Variants in SULF2 observed in about 807,000 individuals in gnomAD.
SULF2 encodes sulfatase 2.
In SULF2, 52 loss-of-function variants were observed where a neutral mutation model predicts 107.7. The observed-to-expected ratio is 0.48, with a 90% CI of 0.39 to 0.61. The LOEUF (loss-of-function observed/expected upper bound fraction) is 0.61. Among genes scored for constraint, SULF2 ranks in the 20% least tolerant of loss-of-function variants. The pLI, the probability that SULF2 is intolerant of heterozygous loss-of-function variation, is 0.00. For synonymous variants in SULF2, 460 were observed against 464.3 expected (o/e 0.99, Z 0.12); for missense variants, 993 against 1,177.3 (o/e 0.84, Z 2.29).
At chr20:47,778,254 C>T (rs377299334) in intron 1 of SULF2, among the ~76,000 whole-genome samples, 6 of 152,384 alleles carry the variant, frequency 3.9e-5, no homozygotes, top group East Asian at 3.9e-4. Context: ...CCTAACACAT[C>T]TGGCTTCCAC....
intron 14 of SULF2, 100 bp from the exon 15 acceptor site, chr20:47,664,289 G>T: frequency 3.3e-6 from 4 of 1,194,712 alleles, no homozygotes; most frequent in South Asian, 1.3e-5. Flanking sequence ...TGTTGCTGCT[G>T]CCCCACCCCT....
In SULF2 at chr20:47,657,985, A is replaced by G. The variant is rs545525986; in HGVS notation, c.*377T>C. The G allele has an allele frequency of 7.8e-5, 21 of 268,858 alleles. No individual in the cohort carries two copies. The highest frequency in any genetic ancestry group is 6.4e-4 in the South Asian group (11 of 17,102). The allele number at this position is 268,858 out of a possible 1,614,324, so 16.7% of individuals were successfully genotyped here. A position where few individuals can be genotyped will look rare whatever the true frequency, so the allele number is the denominator to read the frequency against. On this transcript the variant is annotated 3_prime_UTR_variant, in exon 21 of 21. Coordinates refer to ENST00000688720, the MANE Select transcript of SULF2 (RefSeq NM_001387048.1). ...TTTAGAACAGGACTGCTTTTCCCCT[A>G]TGATTTAAAAATTCCAATGACTTTC...
At chr20:47,710,177 C>T (rs2088880874) in intron 3 of SULF2, among the ~76,000 whole-genome samples, 1 of 152,188 alleles carries the variant, frequency 6.6e-6, no homozygotes, top group Non-Finnish European at 1.5e-5. Flanking sequence ...GCCAGAATTA[C>T]AGGCGTGAGC....
At chr20:47,667,577 C>A (rs1039278497) in intron 11 of SULF2, among the ~76,000 whole-genome samples, 7 of 152,110 alleles carry the variant, frequency 4.6e-5, no homozygotes, top group African/African-American at 1.7e-4. Flanking sequence ...CGGGGATGGG[C>A]GGCCCCTTTG....
At chr20:47,712,726 T>C (rs1409356990) in intron 3 of SULF2, among the ~76,000 whole-genome samples, 2 of 152,162 alleles carry the variant, frequency 1.3e-5, no homozygotes, top group Non-Finnish European at 2.9e-5. Flanking sequence ...AGGTGGCAAC[T>C]GCATGTCTTA....
intron 2 of SULF2, among the ~76,000 whole-genome samples, chr20:47,744,934 G>A (rs1040686635): frequency 6.6e-6 from 1 of 151,900 alleles, no homozygotes; most frequent in Non-Finnish European, 1.5e-5. Context: ...AAATGAATAT[G>A]TGTGTGTGTG....
intron 10 of SULF2, 198 bp from the exon 11 acceptor site, chr20:47,672,591 C>T (rs1032670821): frequency 1.0e-6 from 1 of 979,792 alleles, no homozygotes; most frequent in Non-Finnish European, 1.2e-6. Context: ...ACCATCATCC[C>T]CCAGCGAGAT....
chr20:47,680,722 G>A lies in SULF2; in HGVS notation c.1065-1918C>T, dbSNP rs1270142312. ...TACAACTGAATCCAGAGGCGAGGGA[G>A]CTGGGAAGACTGCTGAGCGACGGGC... On this transcript the variant is annotated intron_variant, in intron 7 of 20. Transcript: ENST00000688720. The surrounding 1 kb of genome is among the most constrained non-coding windows in gnomAD (Gnocchi z 4.2). 2.0e-5 allele frequency among the ~76,000 whole-genome samples: 3 copies of A among 152,242 alleles called. No individual in the cohort carries two copies. Among genetic ancestry groups the A allele is most frequent in the Admixed American group, 1.3e-4 (2 of 15,284 alleles).
At chr20:47,702,078 G>A (rs1044794772) in intron 4 of SULF2, among the ~76,000 whole-genome samples, 6 of 152,136 alleles carry the variant, frequency 3.9e-5, no homozygotes, top group African/African-American at 1.4e-4. Flanking sequence ...CTTTTTTAAA[G>A]ACAGAGTCTT....
chr20:47,682,826 C>A (rs2146503522), intron 7 of SULF2, among the ~76,000 whole-genome samples, 168 bp downstream of exon 7: 1 of 152,310 alleles, frequency 6.6e-6, no homozygotes, highest in Middle Eastern at 3.4e-3. Flanking sequence ...CCTCTCCTTC[C>A]CCAGCAGAGG....
chr20:47,679,970 A>C (rs2146489323), intron 7 of SULF2, among the ~76,000 whole-genome samples: 1 of 151,556 alleles, frequency 6.6e-6, no homozygotes, highest in Admixed American at 6.6e-5. Context: ...TCTATTGCCC[A>C]GTTAGACTCT....
Position 47,684,534 on chromosome 20 carries a change from A to G in SULF2, c.785T>C (p.Met262Thr). Residue 262 changes from methionine to threonine, a missense_variant, in exon 6 of 21, where the codon ATG (methionine) becomes ACG (threonine). Around this residue, in one of 3 missense-constraint regions of SULF2, gnomAD observed 388 missense variants for 449.2 expected, o/e 0.86. Transcript: ENST00000688720. ...GGGCTTCATGGGCCCCGTGTAGCGC[A>G]TGATCCAGTGTTTGTCCGGGTTGGG... ...YAPNPDKHWI[M>T]RYTGPMKPIH... 1 of 1,614,146 alleles carries G rather than the reference A, an allele frequency of 6.2e-7. No homozygotes were observed. Among genetic ancestry groups the G allele is most frequent in the Non-Finnish European group, 8.5e-7 (1 of 1,179,986 alleles).
rs1368343313 is a variant in SULF2, at chr20:47,672,385, C to T, written c.1389G>A (p.Gln463=). ...GCTTCCCCGTGGCGTCCTCCACACACTGCCACTTCTGAAAGACATGCCAGG... is the reference window on the plus strand; with the variant it reads ...GCTTCCCCGTGGCGTCCTCCACACATTGCCACTTCTGAAAGACATGCCAGG... ...TACEQLGQKW[Q]CVEDATGKLK... The change falls in exon 11 of 21, where the codon CAG becomes CAA. Residue 463 remains glutamine, a synonymous_variant. Transcript: ENST00000688720. The T allele has an allele frequency of 1.2e-6, 2 of 1,607,346 alleles. No individual in the cohort carries two copies. The highest frequency in any genetic ancestry group is 2.2e-5 in the South Asian group (2 of 90,848).
At chr20:47,777,953 T>C (rs1388311107) in intron 1 of SULF2, among the ~76,000 whole-genome samples, 3 of 144,580 alleles carry the variant, frequency 2.1e-5, no homozygotes, top group Non-Finnish European at 3.0e-5. Context: ...TTGGGCAACA[T>C]AGCAAGATCT....
chr20:47,736,709 G>A lies in SULF2; in HGVS notation c.409C>T (p.Arg137Trp), dbSNP rs1021173957. Residue 137 changes from arginine to tryptophan, a missense_variant, in exon 3 of 21, where the codon CGG becomes TGG. Around this residue, in one of 3 missense-constraint regions of SULF2, gnomAD observed 388 missense variants for 449.2 expected, o/e 0.86. Transcript: ENST00000688720. ...FAVYLNSTGY[R>W]TAFFGKYLNE... is the part of the protein sequence containing the mutation. The stretch of plus-strand genomic sequence containing the variant: ...TGCCCCCGTCCCTGCTCACCTGTCC[G>A]GTAGCCAGTGCTATTGAGGTACACG... 14 of 1,614,054 alleles carry A rather than the reference G, an allele frequency of 8.7e-6. No homozygotes were observed. Among genetic ancestry groups the A allele is most frequent in the African/African-American group, 2.7e-5 (2 of 74,926 alleles).
chr20:47,708,894 G>A (rs2088832585), intron 3 of SULF2, among the ~76,000 whole-genome samples: 1 of 151,994 alleles, frequency 6.6e-6, no homozygotes, highest in Non-Finnish European at 1.5e-5. Flanking sequence ...CCCCTTTCAC[G>A]TCTCTTTCCT....
intron 17 of SULF2, among the ~76,000 whole-genome samples, chr20:47,662,245 C>T (rs1231233498): frequency 1.3e-5 from 2 of 152,180 alleles, no homozygotes; most frequent in African/African-American, 2.4e-5. Flanking sequence ...TTCAGGGGCC[C>T]TCAGCTCCTC....
intron 17 of SULF2, 53 bp from the exon 18 acceptor site, chr20:47,661,949 C>T: frequency 7.1e-7 from 1 of 1,415,882 alleles, no homozygotes; most frequent in Non-Finnish European, 9.4e-7. Context: ...GACTCTCGCC[C>T]TGCCCTTCTA....
At chr20:47,770,416 G>A (rs1388057104) in intron 1 of SULF2, among the ~76,000 whole-genome samples, 1 of 152,058 alleles carries the variant, frequency 6.6e-6, no homozygotes, top group Non-Finnish European at 1.5e-5. Context: ...AGACTGCAGG[G>A]CATGAGGGTA....
Sources: gnomAD v4.1 joint callset for allele counts (sites outside exome capture counted in the v4.1 genomes callset) on GRCh38, gnomAD v4.1.1 for gene constraint, gnomAD v4.1.1 regional missense constraint, Gnocchi (gnomAD v3.1) non-coding constraint, MANE v1.5 for transcripts, NCBI Gene and HGNC (gene_info 2026-07-23, HGNC 2026-07-21) for gene names.